Variants in LOC400499 observed in about 807,000 individuals in gnomAD.
At chr16:11,473,282 CATT>C in the LOC400499 span, 5 of 149,598 alleles carry the variant, frequency 3.3e-5, no homozygotes, top group African/African-American at 1.2e-4. Flanking sequence ...AAAAAAGAAA[CATT>C]ATCAAGAAGC....
At chr16:11,415,399 G>A in the LOC400499 span, among the ~76,000 whole-genome samples, 2 of 152,178 alleles carry the variant, frequency 1.3e-5, no homozygotes, top group South Asian at 2.1e-4. Context: ...TGGCCAGCAG[G>A]GTGGACGAGC....
chr16:11,450,762 C>A, the LOC400499 span: 1 of 1,536,152 alleles, frequency 6.5e-7, no homozygotes, highest in African/African-American at 1.4e-5. Context: ...CTCGGTGTGG[C>A]CAGTATAGCC....
At chr16:11,438,951 A>T in the LOC400499 span, among the ~76,000 whole-genome samples, 1 of 152,132 alleles carries the variant, frequency 6.6e-6, no homozygotes, top group African/African-American at 2.4e-5. Flanking sequence ...TTGCTGTCAA[A>T]TTAATGGTGT....
the LOC400499 span, chr16:11,391,543 G>A: frequency 6.1e-6 from 5 of 813,512 alleles, no homozygotes; most frequent in African/African-American, 3.5e-5. Flanking sequence ...CAGGCCCATG[G>A]GAAGCGAGGC....
At chr16:11,388,807 T>C in the LOC400499 span, among the ~76,000 whole-genome samples, 1 of 152,152 alleles carries the variant, frequency 6.6e-6, no homozygotes, top group Non-Finnish European at 1.5e-5. Context: ...GATATTCAAA[T>C]AGACAGGGCT....
the LOC400499 span, chr16:11,391,681 G>C: frequency 3.2e-6 from 4 of 1,232,110 alleles, no homozygotes; most frequent in Non-Finnish European, 3.0e-6. Context: ...AGCTCCTCCC[G>C]CAGCTGCTCC....
At chr16:11,447,398 G>A in the LOC400499 span, among the ~76,000 whole-genome samples, 16 of 152,236 alleles carry the variant, frequency 1.1e-4, no homozygotes, top group East Asian at 2.5e-3. Context: ...CTGACATTCC[G>A]GTTCTCTGCC....
the LOC400499 span, among the ~76,000 whole-genome samples, chr16:11,492,956 G>C: frequency 2.0e-5 from 3 of 152,274 alleles, no homozygotes; most frequent in African/African-American, 7.2e-5. Context: ...GAAAAAGAAA[G>C]GCCTGGGGAC....
chr16:11,440,627 C>CT, the LOC400499 span: 1 of 398,002 alleles, frequency 2.5e-6, no homozygotes, highest in African/African-American at 2.1e-5. Flanking sequence ...GGTCATGTCT[C>CT]CTGCCACCTC....
the LOC400499 span, among the ~76,000 whole-genome samples, chr16:11,396,921 C>T: frequency 6.6e-6 from 1 of 152,186 alleles, no homozygotes; most frequent in Non-Finnish European, 1.5e-5. Flanking sequence ...AAGTGCTGCC[C>T]CGTGTTCCTC....
chr16:11,407,073 A>T, the LOC400499 span: 1,833 of 395,180 alleles, frequency 4.6e-3, 30 homozygotes, highest in African/African-American at 0.034. Context: ...CATTGTGTCC[A>T]TTTCACAGCC....
the LOC400499 span, among the ~76,000 whole-genome samples, chr16:11,400,364 C>A: frequency 6.6e-6 from 1 of 152,176 alleles, no homozygotes; most frequent in South Asian, 2.1e-4. Context: ...CCGCCTCCCC[C>A]ATGAGGCTCT....
At chr16:11,433,449 C>G in the LOC400499 span, among the ~76,000 whole-genome samples, 1 of 152,164 alleles carries the variant, frequency 6.6e-6, no homozygotes, top group East Asian at 1.9e-4. Context: ...CCAGAATGTG[C>G]AGTACTCAAA....
the LOC400499 span, among the ~76,000 whole-genome samples, chr16:11,479,788 G>C: frequency 6.6e-6 from 1 of 152,094 alleles, no homozygotes; most frequent in African/African-American, 2.4e-5. Context: ...CTAAACTCCA[G>C]AGGTCATTTA....
the LOC400499 span, among the ~76,000 whole-genome samples, chr16:11,506,419 C>G: frequency 0.013 from 2,015 of 152,324 alleles, 54 homozygotes; most frequent in African/African-American, 0.046. Flanking sequence ...ATGAGCCAGT[C>G]CTGTTCTGCC....
At chr16:11,402,723 T>C in the LOC400499 span, among the ~76,000 whole-genome samples, 108,525 of 152,116 alleles carry the variant, frequency 0.71, 39,171 homozygotes, top group African/African-American at 0.81. Flanking sequence ...CAGCTGACCT[T>C]GAACATGAGG....
At chr16:11,521,234 T>C in the LOC400499 span, among the ~76,000 whole-genome samples, 352 of 152,210 alleles carry the variant, frequency 2.3e-3, 1 homozygote, top group African/African-American at 8.0e-3. Flanking sequence ...AGTACAAAAA[T>C]GCATCACAAT....
chr16:11,443,287 G>C, the LOC400499 span: 7,726 of 337,730 alleles, frequency 0.023, 542 homozygotes, highest in African/African-American at 0.16. Context: ...TTGCGCAGCT[G>C]CACCCTAGCC....
the LOC400499 span, among the ~76,000 whole-genome samples, chr16:11,430,619 G>T: frequency 2.0e-4 from 30 of 152,222 alleles, no homozygotes; most frequent in Non-Finnish European, 2.9e-4. Flanking sequence ...AATGTAAAAT[G>T]TTAGTAACTG....
Sources: gnomAD v4.1 joint callset for allele counts (sites outside exome capture counted in the v4.1 genomes callset) on GRCh38, gnomAD v4.1.1 for gene constraint, MANE v1.5 for transcripts.